Variants in MINDY4 observed in about 807,000 individuals in gnomAD.
MINDY4 encodes the protein MINDY lysine 48 deubiquitinase 4.
In MINDY4, 68 loss-of-function variants were observed where a neutral mutation model predicts 87.0. The ratio of observed to expected loss-of-function variants is 0.78; its 90% CI spans 0.64 to 0.96. The LOEUF (loss-of-function observed/expected upper bound fraction) is 0.96, where lower values mean the gene tolerates loss of function less well. MINDY4 is among the 40% of genes least tolerant of loss of function. MINDY4 has a pLI of 0.00. For missense variants in MINDY4, 919 were observed against 928.2 expected (o/e 0.99, Z 0.13); for synonymous variants, 379 against 363.2 (o/e 1.04, Z -0.50).
At chr7:30,838,651 A>G in intron 7 of MINDY4, among the ~76,000 whole-genome samples, 1 of 152,168 alleles carries the variant, frequency 6.6e-6, no homozygotes, top group East Asian at 1.9e-4. Flanking sequence ...TGTGGGTCAC[A>G]GTTTAGTAAC....
At chr7:30,789,894 A>T (rs958906018) in intron 4 of MINDY4, among the ~76,000 whole-genome samples, 1 of 152,170 alleles carries the variant, frequency 6.6e-6, no homozygotes, top group South Asian at 2.1e-4. Context: ...GGATATTTCA[A>T]TTGACTCCTC....
intron 8 of MINDY4, 151 bp downstream of exon 8, chr7:30,839,467 A>G (rs751172452): frequency 9.7e-5 from 53 of 548,714 alleles, no homozygotes; most frequent in Admixed American, 6.0e-4. Context: ...CACTTGGTGC[A>G]GGCACTTCAG....
Position 30,882,996 on chromosome 7 carries a change from G to A in MINDY4, c.2225+3G>A. On this transcript the variant is annotated splice_donor_region_variant and intron_variant, in intron 17 of 17. Coordinates refer to ENST00000265299, the MANE Select transcript of MINDY4 (RefSeq NM_032222.3). ...CTCGAGCTCTGCATCAGAACCAAGT[G>A]AGTCAAGCCCCTCTCTGGCTTTGAG... is the stretch of plus-strand genomic sequence containing the variant. The A allele has an allele frequency of 6.2e-7, 1 of 1,613,856 alleles. No individual in the cohort carries two copies. Among genetic ancestry groups the A allele is most frequent in the Non-Finnish European group, 8.5e-7 (1 of 1,179,834 alleles).
At chr7:30,854,861 C>T (rs541419765) in intron 12 of MINDY4, among the ~76,000 whole-genome samples, 160 of 152,374 alleles carry the variant, frequency 1.1e-3, no homozygotes, top group African/African-American at 3.6e-3. Context: ...AGGGGCAATC[C>T]ACCTGAAGTG....
chr7:30,861,240 C>T (rs550420939), intron 13 of MINDY4, among the ~76,000 whole-genome samples: 1 of 152,350 alleles, frequency 6.6e-6, no homozygotes, highest in Non-Finnish European at 1.5e-5. Context: ...TGTGGCCTCC[C>T]CTTCCCCTCT....
intron 4 of MINDY4, chr7:30,786,621 T>G: frequency 8.3e-6 from 1 of 119,996 alleles, no homozygotes; most frequent in African/African-American, 3.5e-5. Flanking sequence ...TGAGACCCTG[T>G]CTCAAAAAGA....
intron 9 of MINDY4, among the ~76,000 whole-genome samples, chr7:30,849,451 T>G (rs1388191502): frequency 1.3e-5 from 2 of 152,052 alleles, no homozygotes; most frequent in Non-Finnish European, 2.9e-5. Context: ...TGGAAAGAAA[T>G]ACGTATATTC....
intron 13 of MINDY4, among the ~76,000 whole-genome samples, chr7:30,871,396 GGGGT>G (rs1790102556): frequency 6.6e-6 from 1 of 152,170 alleles, no homozygotes; most frequent in African/African-American, 2.4e-5. Context: ...GAGTTACATT[GGGGT>G]GGCTAAAAGG....
At chr7:30,838,117 A>T (rs1450947965) in intron 7 of MINDY4, among the ~76,000 whole-genome samples, 5 of 152,000 alleles carry the variant, frequency 3.3e-5, no homozygotes, top group African/African-American at 1.2e-4. Flanking sequence ...CAGATGTAAA[A>T]CCATGGCAGA....
chr7:30,884,952 C>A (rs931078867), intron 17 of MINDY4, among the ~76,000 whole-genome samples: 1 of 152,192 alleles, frequency 6.6e-6, no homozygotes, highest in Non-Finnish European at 1.5e-5. Context: ...GCCCCTTGTT[C>A]ACTTGCAAGC....
chr7:30,873,107 G>A lies in MINDY4; in HGVS notation c.1809+801G>A, dbSNP rs568125382. On this transcript the variant is annotated intron_variant, in intron 14 of 17. Coordinates refer to ENST00000265299, the MANE Select transcript of MINDY4 (RefSeq NM_032222.3). ...CGCCCAGCTCTGGAAACCTACGTGG[G>A]CACCATACAAGGCAAGCTTGGGGCC... 1.5e-3 allele frequency among the ~76,000 whole-genome samples: 227 copies of A among 152,340 alleles called. 1 individual carries two copies. The highest frequency in any genetic ancestry group is 5.1e-3 in the African/African-American group (211 of 41,580).
At chr7:30,860,983 A>G (rs1378418508) in intron 13 of MINDY4, among the ~76,000 whole-genome samples, 2 of 152,074 alleles carry the variant, frequency 1.3e-5, no homozygotes, top group Non-Finnish European at 2.9e-5. Flanking sequence ...ATACAGATGC[A>G]CATACGTGGC....
intron 15 of MINDY4, among the ~76,000 whole-genome samples, chr7:30,879,497 C>T (rs938906877): frequency 3.3e-5 from 5 of 152,222 alleles, no homozygotes; most frequent in Admixed American, 1.3e-4. Flanking sequence ...CAAAACTTCT[C>T]ACCACCCCCA....
chr7:30,840,631 G>C, intron 8 of MINDY4, 129 bp from the exon 9 acceptor site: 1 of 683,302 alleles, frequency 1.5e-6, no homozygotes, highest in South Asian at 1.9e-5. Context: ...TGCCACATCA[G>C]AGGCCCTTCT....
In MINDY4 at chr7:30,791,402, T is replaced by C. The variant is rs775267181; in HGVS notation, c.901T>C (p.Trp301Arg). The change falls in exon 5 of 18, where the codon TGG becomes CGG. Residue 301 changes from tryptophan (W) to arginine (R), a missense_variant. Coordinates refer to ENST00000265299, the MANE Select transcript of MINDY4 (RefSeq NM_032222.3). ...PHLPSKRLPPWDRARPRDPSE... is the reference protein window; with the variant it reads ...PHLPSKRLPPRDRARPRDPSE... ...TCTGCCCAGCAAACGGCTGCCCCCA[T>C]GGGACAGGGCCAGGCCGAGGGATCC... The C allele has an allele frequency of 1.9e-6, 3 of 1,614,016 alleles. No individual in the cohort carries two copies. The highest frequency in any genetic ancestry group is 1.3e-5 in the African/African-American group (1 of 75,004).
At chr7:30,807,715 T>G (rs544346875) in intron 5 of MINDY4, among the ~76,000 whole-genome samples, 107 of 152,348 alleles carry the variant, frequency 7.0e-4, no homozygotes, top group Admixed American at 2.5e-3. Context: ...AGACATTGTA[T>G]AGAAAAGCAC....
At chr7:30,787,826 A>G (rs1014062833) in intron 4 of MINDY4, among the ~76,000 whole-genome samples, 1 of 152,216 alleles carries the variant, frequency 6.6e-6, no homozygotes, top group African/African-American at 2.4e-5. Flanking sequence ...TTTTAGCCTC[A>G]GGCTCTCTTT....
intron 5 of MINDY4, among the ~76,000 whole-genome samples, chr7:30,793,420 C>T (rs1354340648): frequency 2.8e-5 from 4 of 140,990 alleles, no homozygotes; most frequent in Admixed American, 7.1e-5. Flanking sequence ...CTTTGGTTTG[C>T]TTTTTTTTTT....
chr7:30,835,327 T>C (rs1788824667), intron 6 of MINDY4, among the ~76,000 whole-genome samples: 1 of 152,228 alleles, frequency 6.6e-6, no homozygotes, highest in South Asian at 2.1e-4. Context: ...CATCAGATGT[T>C]GTGAGACTTA....
Sources: allele counts gnomAD v4.1 joint callset (sites outside exome capture counted in the v4.1 genomes callset), GRCh38; gene constraint gnomAD v4.1.1; transcripts MANE v1.5; gene names NCBI Gene and HGNC (gene_info 2026-07-23, HGNC 2026-07-21).